MEPE: variants seen among roughly 807,000 people sequenced by gnomAD.
MEPE encodes matrix extracellular phosphoglycoprotein.
A neutral mutation model predicts 7.3 loss-of-function variants in MEPE; 7 were observed. The ratio of observed to expected loss-of-function variants is 0.95; its 90% CI spans 0.54 to 1.79. The LOEUF is 1.79. Among genes scored for constraint, MEPE ranks in the 40% most tolerant of loss-of-function variants. MEPE has a pLI of 0.00. For missense variants in MEPE, 623 were observed against 628.2 expected (o/e 0.99, Z 0.09); for synonymous variants, 214 against 213.1 (o/e 1.00, Z -0.04).
chr4:87,833,815 G>A (rs974911536), intron 1 of MEPE, among the ~76,000 whole-genome samples: 4 of 151,922 alleles, frequency 2.6e-5, no homozygotes, highest in South Asian at 2.1e-4. Flanking sequence ...TCATTTTGTT[G>A]AGCCCAATAT....
At chr4:87,840,940 T>C (rs1005255796) in intron 3 of MEPE, among the ~76,000 whole-genome samples, 2 of 152,206 alleles carry the variant, frequency 1.3e-5, no homozygotes, top group African/African-American at 4.8e-5. Context: ...CATCGAACAG[T>C]CAGAAATCAT....
upstream of MEPE, among the ~76,000 whole-genome samples, chr4:87,830,069 C>T (rs1368954606): frequency 6.6e-6 from 1 of 152,130 alleles, no homozygotes; most frequent in East Asian, 1.9e-4. Context: ...AATATTTCCA[C>T]TGTCAATGAC....
intron 3 of MEPE, among the ~76,000 whole-genome samples, chr4:87,843,251 G>C (rs1017758889): frequency 2.6e-5 from 4 of 151,976 alleles, no homozygotes; most frequent in Admixed American, 6.6e-5. Flanking sequence ...TTAATCTCCT[G>C]TGAACTTTCA....
At chr4:87,831,654 C>T (rs1291760507), upstream of MEPE, among the ~76,000 whole-genome samples, 1 of 152,114 alleles carries the variant, frequency 6.6e-6, no homozygotes, top group African/African-American at 2.4e-5. Context: ...CCTCCAAGGA[C>T]TTTTCTTCTC....
At position 87,845,221 on chromosome 4, in the gene MEPE, C is replaced by T. The variant is rs201213159; in HGVS notation, c.353C>T (p.Pro118Leu). The T allele has an allele frequency of 1.5e-4, 250 of 1,613,814 alleles. No individual in the cohort carries two copies. The highest frequency in any genetic ancestry group is 3.0e-4 in the Admixed American group (18 of 59,972). ...AATGGCCTGAGGATGTCAATTTATC[C>T]TAAGTCAACTGGGAATAAAGGGTTT... is the stretch of plus-strand genomic sequence containing the variant. Reference protein sequence around the residue: ...THNGLRMSIYPKSTGNKGFED... With the variant: ...THNGLRMSIYLKSTGNKGFED... Residue 118 changes from proline (P) to leucine (L), a missense_variant, in exon 4 of 4, where the codon CCT becomes CTT. Physicochemically the swap from Pro to Leu is moderately conservative, Grantham distance 98. Transcript: ENST00000361056.
In MEPE at chr4:87,846,102, G is replaced by C. The variant is rs755684147; in HGVS notation, c.1234G>C (p.Asp412His). Residue 412 changes from aspartate (D) to histidine (H), a missense_variant, in exon 4 of 4, where the codon GAT becomes CAT. Asp to His is a moderately conservative substitution (Grantham distance 81). Coordinates refer to ENST00000361056, the MANE Select transcript of MEPE (RefSeq NM_020203.6). ...NGKGSTRKGV[D>H]HSNRNQATLN... ...CAAAGGCAGTACCAGAAAGGGTGTA[G>C]ATCATTCTAATAGGAACCAAGCAAC... 6.8e-6 allele frequency: 11 copies of C among 1,613,700 alleles called. No individual in the cohort carries two copies. The highest frequency in any genetic ancestry group is 9.3e-6 in the Non-Finnish European group (11 of 1,179,922).
At chr4:87,832,011 C>T (rs1025361698), upstream of MEPE, among the ~76,000 whole-genome samples, 1 of 151,986 alleles carries the variant, frequency 6.6e-6, no homozygotes, top group African/African-American at 2.4e-5. Context: ...AAGAGGCCAG[C>T]ATGTTCATTG....
In MEPE at chr4:87,822,015, A is replaced by G. The variant is rs150849394; in HGVS notation, c.-13+544A>G. ...TGATGCCTAACCAACTAGCCCACAC[A>G]GTGCCTGCCAAACCAACACCCAGCA... On this transcript the variant is annotated intron_variant, in intron 1 of 3. Coordinates refer to the MEPE transcript ENST00000424957. Among the ~76,000 whole-genome samples the G allele has an allele frequency of 1.4e-4, 22 of 152,242 alleles. No homozygotes were observed. The East Asian group carries it at 1.6e-3, about 11-fold the overall frequency.
upstream of MEPE, among the ~76,000 whole-genome samples, chr4:87,829,173 G>A (rs1028749660): frequency 1.7e-4 from 26 of 152,004 alleles, no homozygotes; most frequent in Admixed American, 1.3e-4. Context: ...TTTTTCCCCA[G>A]AATTTCTTCT....
chr4:87,831,978 T>C (rs967071675), upstream of MEPE, among the ~76,000 whole-genome samples: 5 of 152,058 alleles, frequency 3.3e-5, no homozygotes, highest in Non-Finnish European at 5.9e-5. Flanking sequence ...CACACAGTTC[T>C]GGAGGCTGGG....
Position 87,846,337 on chromosome 4 carries a change from G to C in MEPE, c.1469G>C (p.Gly490Ala), listed in dbSNP as rs577928169. 11 of 1,613,942 alleles carry C rather than the reference G, an allele frequency of 6.8e-6. No individual in the cohort carries two copies. The South Asian group carries it at 7.7e-5, about 11-fold the overall frequency. The change falls in exon 4 of 4, where the codon GGC becomes GCC. Residue 490 changes from glycine to alanine, a missense_variant. By Grantham distance (60) the Gly-to-Ala change is moderately conservative. Coordinates refer to ENST00000361056, the MANE Select transcript of MEPE (RefSeq NM_020203.6). ...TRNKGMPQGK[G>A]SWGRQPHSNR... ...AATAAGGGTATGCCACAAGGGAAAGGCTCCTGGGGTAGACAACCCCATTCC... is the reference window on the plus strand; with the variant it reads ...AATAAGGGTATGCCACAAGGGAAAGCCTCCTGGGGTAGACAACCCCATTCC...
chr4:87,833,966 T>C (rs1203090197), intron 1 of MEPE, among the ~76,000 whole-genome samples: 1 of 152,212 alleles, frequency 6.6e-6, no homozygotes, highest in East Asian at 1.9e-4. Context: ...CTAATCCCAG[T>C]TCTGCCCCTT....
intron 3 of MEPE, chr4:87,839,577 G>C: frequency 1.3e-6 from 1 of 742,550 alleles, no homozygotes; most frequent in Non-Finnish European, 2.2e-6. Flanking sequence ...GTCAGAGGTA[G>C]AATTCAACTT....
At chr4:87,838,808 A>G in intron 3 of MEPE, 123 bp downstream of exon 3, 1 of 769,344 alleles carries the variant, frequency 1.3e-6, no homozygotes, top group East Asian at 2.7e-5. Flanking sequence ...AAAATATACA[A>G]CATAATGTTG....
Position 87,846,556 on chromosome 4 carries a change from G to A in MEPE, c.*110G>A. 2.4e-6 allele frequency: 3 copies of A among 1,244,926 alleles called. No individual in the cohort carries two copies. The highest frequency in any genetic ancestry group is 3.3e-6 in the Non-Finnish European group (3 of 902,870). The allele number at this position is 1,244,926 out of a possible 1,614,324, so 77.1% of individuals were successfully genotyped here. On this transcript the variant is annotated 3_prime_UTR_variant, in exon 4 of 4. Transcript: ENST00000361056. The stretch of plus-strand genomic sequence containing the variant: ...CCAGGTGAAGAGAGGATAGAGTGAA[G>A]AACTGAGTGAGCCAAGAATCCTGGT...
intron 3 of MEPE, 71 bp downstream of exon 3, chr4:87,838,756 G>A (rs555770848): frequency 6.5e-6 from 9 of 1,387,558 alleles, no homozygotes; most frequent in South Asian, 2.4e-5. Context: ...AGAGAAAAGT[G>A]TAACTGTCAA....
At chr4:87,826,382 T>C (rs1310863911) in intron 1 of MEPE, among the ~76,000 whole-genome samples, 1 of 135,116 alleles carries the variant, frequency 7.4e-6, no homozygotes, top group Non-Finnish European at 1.6e-5. Flanking sequence ...CCACAACAGT[T>C]TTTTTTTTTG....
At chr4:87,835,010 T>C (rs1722729515) in intron 2 of MEPE, among the ~76,000 whole-genome samples, 1 of 152,226 alleles carries the variant, frequency 6.6e-6, no homozygotes, top group African/African-American at 2.4e-5. Flanking sequence ...AACAGATTTT[T>C]TGAGAAAACC....
intron 1 of MEPE, among the ~76,000 whole-genome samples, chr4:87,833,419 T>C (rs1722654693): frequency 6.6e-6 from 1 of 152,170 alleles, no homozygotes; most frequent in Non-Finnish European, 1.5e-5. Context: ...GTTGTCCTGA[T>C]CTATAAAATG....
Sources: allele counts gnomAD v4.1 joint callset (sites outside exome capture counted in the v4.1 genomes callset), GRCh38; gene constraint gnomAD v4.1.1; transcripts MANE v1.5; gene names NCBI Gene and HGNC (gene_info 2026-07-23, HGNC 2026-07-21).